Variants in AFF2 observed in about 807,000 individuals in gnomAD.
AFF2 encodes AF4/FMR2 family member 2.
Under a neutral mutation model 76.9 loss-of-function variants are expected in AFF2, and 14 were observed. The ratio of observed to expected loss-of-function variants is 0.18; its 90% CI spans 0.12 to 0.28. The LOEUF (loss-of-function observed/expected upper bound fraction) is 0.28, where lower values mean the gene tolerates loss of function less well. Ranked by LOEUF, AFF2 falls within the 10% of genes least tolerant of loss-of-function variation. AFF2 has a pLI of 1.00. For synonymous variants in AFF2, 398 were observed against 366.7 expected (o/e 1.09, Z -0.98); for missense variants, 868 against 1,001.1 (o/e 0.87, Z 1.79).
intron 1 of AFF2, among the ~76,000 whole-genome samples, chrX:148,529,997 CCCCTCTT>C (rs1344781562): frequency 1.8e-5 from 2 of 111,118 alleles, no homozygotes; most frequent in African/African-American, 6.6e-5. Flanking sequence ...CAAGTCCCTT[CCCCTCTT>C]GGTGCCCTGG....
At chrX:148,829,102 T>G (rs1557273132) in intron 4 of AFF2, among the ~76,000 whole-genome samples, 1 of 112,507 alleles carries the variant, frequency 8.9e-6, no homozygotes, top group East Asian at 2.8e-4. Flanking sequence ...GAATACAGAA[T>G]TCCATTATTT....
intron 7 of AFF2, among the ~76,000 whole-genome samples, chrX:148,877,926 G>A (rs529308472): frequency 5.3e-5 from 6 of 112,222 alleles, no homozygotes; most frequent in African/African-American, 1.9e-4. Context: ...ACAATTAGGA[G>A]CTGACGTGAA....
intron 7 of AFF2, among the ~76,000 whole-genome samples, chrX:148,857,447 C>T (rs2070799120): frequency 1.8e-5 from 2 of 111,529 alleles, no homozygotes; most frequent in African/African-American, 6.5e-5. Context: ...CAATTCTGAG[C>T]AAAGAAATGT....
intron 7 of AFF2, among the ~76,000 whole-genome samples, chrX:148,871,068 G>C (rs2070967998): frequency 9.0e-6 from 1 of 111,487 alleles, no homozygotes; most frequent in Non-Finnish European, 1.9e-5. Flanking sequence ...GTGTGTGGTT[G>C]TGGGGAGCGG....
intron 3 of AFF2, among the ~76,000 whole-genome samples, chrX:148,775,267 A>G (rs1028503134): frequency 5.4e-5 from 6 of 112,069 alleles, no homozygotes; most frequent in Non-Finnish European, 1.1e-4. Context: ...TGGTATCTGA[A>G]AATAGCTTAT....
At chrX:148,871,633 G>A (rs996429725) in intron 7 of AFF2, among the ~76,000 whole-genome samples, 1 of 111,553 alleles carries the variant, frequency 9.0e-6, no homozygotes. Flanking sequence ...GTTTTATTGC[G>A]AATGGGGGCA....
chrX:148,605,656 A>G (rs1478217593), intron 1 of AFF2, among the ~76,000 whole-genome samples: 1 of 112,226 alleles, frequency 8.9e-6, no homozygotes, highest in African/African-American at 3.2e-5. Flanking sequence ...GTGTTGACAA[A>G]CGATCAAGGT....
Position 148,999,235 on chromosome X carries a change from T to C in AFF2, c.*7903T>C, listed in dbSNP as rs1557293855. The C allele has an allele frequency of 9.0e-6, 1 of 111,311 alleles. No individual in the cohort carries two copies. The highest frequency in any genetic ancestry group is 1.9e-5 in the Non-Finnish European group (1 of 53,080). The allele number at this position is 111,311 out of a possible 1,213,427, so 9.2% of individuals were successfully genotyped here. A position where few individuals can be genotyped will look rare whatever the true frequency, so the allele number is the denominator to read the frequency against. Reference sequence around the variant, plus strand: ...CCTGGTCTATAGCGTGTGTGTTTGCTTTGTATCTAACAGGCACATTCACGT... The same window carrying C: ...CCTGGTCTATAGCGTGTGTGTTTGCCTTGTATCTAACAGGCACATTCACGT... On this transcript the variant is annotated 3_prime_UTR_variant, in exon 21 of 21. Transcript: ENST00000370460.
At chrX:148,605,593 C>A (rs782457033) in intron 1 of AFF2, among the ~76,000 whole-genome samples, 1 of 111,275 alleles carries the variant, frequency 9.0e-6, no homozygotes, top group East Asian at 2.9e-4. Context: ...GGCACTGGGG[C>A]CAGAAAACTG....
Position 148,893,764 on chromosome X carries a change from G to A in AFF2, c.1359+7779G>A, listed in dbSNP as rs1466378441. Among the ~76,000 whole-genome samples, 3 of 111,959 alleles carry A rather than the reference G, an allele frequency of 2.7e-5. No homozygotes were observed. In the Admixed American group the frequency reaches 2.8e-4, roughly 11 times the overall value. On this transcript the variant is annotated intron_variant, in intron 8 of 20. Transcript: ENST00000370460. Reference sequence around the variant, plus strand: ...CCTTTTCACCCACAAAGAGCACACAGCACATATATGGTTCTGTAAAGAGTG... The same window carrying A: ...CCTTTTCACCCACAAAGAGCACACAACACATATATGGTTCTGTAAAGAGTG...
chrX:148,524,253 G>T (rs2052635473), intron 1 of AFF2, among the ~76,000 whole-genome samples: 1 of 109,544 alleles, frequency 9.1e-6, no homozygotes, highest in East Asian at 2.9e-4. Context: ...AGAAAAGGAG[G>T]TAATTTATTT....
chrX:148,817,798 T>G (rs1557272265), intron 4 of AFF2, among the ~76,000 whole-genome samples: 3 of 111,333 alleles, frequency 2.7e-5, no homozygotes, highest in African/African-American at 9.8e-5. Flanking sequence ...ATTCCAGGAG[T>G]GTAAAACTGG....
intron 1 of AFF2, among the ~76,000 whole-genome samples, chrX:148,525,528 T>C (rs1396056421): frequency 6.3e-5 from 7 of 111,951 alleles, no homozygotes; most frequent in Non-Finnish European, 1.1e-4. Context: ...AAATAGTTTA[T>C]ATTTAAATAA....
At chrX:148,824,445 G>A (rs917775105) in intron 4 of AFF2, among the ~76,000 whole-genome samples, 1 of 112,030 alleles carries the variant, frequency 8.9e-6, no homozygotes, top group Non-Finnish European at 1.9e-5. Flanking sequence ...AGCTATGTGA[G>A]TTGGTGGACA....
intron 10 of AFF2, among the ~76,000 whole-genome samples, chrX:148,954,058 A>G (rs782603899): frequency 7.1e-5 from 8 of 112,436 alleles, no homozygotes; most frequent in African/African-American, 2.6e-4. Flanking sequence ...GAGAGAATCA[A>G]TGAAGCCAGT....
At chrX:148,900,130 A>G (rs1231434694) in intron 8 of AFF2, among the ~76,000 whole-genome samples, 2 of 111,355 alleles carry the variant, frequency 1.8e-5, no homozygotes, top group African/African-American at 6.5e-5. Flanking sequence ...ATTATAAAGA[A>G]AATGGCTGGC....
intron 3 of AFF2, among the ~76,000 whole-genome samples, chrX:148,709,215 C>G (rs1204809840): frequency 9.0e-6 from 1 of 111,660 alleles, no homozygotes; most frequent in Non-Finnish European, 1.9e-5. Flanking sequence ...CAATAAAATA[C>G]TAAAAAAATT....
chrX:148,662,240 A>C lies in AFF2; in HGVS notation c.513A>C (p.Ala171=), dbSNP rs781904145. 6 of 1,209,734 alleles carry C rather than the reference A, an allele frequency of 5.0e-6. No homozygotes were observed. In the East Asian group the frequency reaches 1.8e-4, roughly 36 times the overall value. ...GTCATAACCCTAGCACTGTACTGGCAAGCCAGGCCAGTGGTCAGCCAAACA... is the reference window on the plus strand; with the variant it reads ...GTCATAACCCTAGCACTGTACTGGCCAGCCAGGCCAGTGGTCAGCCAAACA... ...RDSHNPSTVL[A]SQASGQPNKM... is the part of the protein sequence containing the mutation. The change falls in exon 3 of 21, where the codon GCA becomes GCC. Residue 171 remains alanine (A), a synonymous_variant. Coordinates refer to ENST00000370460, the MANE Select transcript of AFF2 (RefSeq NM_002025.4).
At chrX:148,874,818 G>A (rs2071017975) in intron 7 of AFF2, among the ~76,000 whole-genome samples, 1 of 111,494 alleles carries the variant, frequency 9.0e-6, no homozygotes, top group Non-Finnish European at 1.9e-5. Flanking sequence ...AGGGTCACAG[G>A]AATAAGAAAG....
Sources: allele counts gnomAD v4.1 joint callset (sites outside exome capture counted in the v4.1 genomes callset), GRCh38; gene constraint gnomAD v4.1.1; transcripts MANE v1.5; gene names NCBI Gene and HGNC (gene_info 2026-07-23, HGNC 2026-07-21).